CDC37L1: variants seen among roughly 807,000 people sequenced by gnomAD.
CDC37L1 encodes the protein hsp90 co-chaperone Cdc37-like 1.
Under a neutral mutation model 45.9 loss-of-function variants are expected in CDC37L1, and 32 were observed. The observed-to-expected ratio is 0.70, with a 90% CI of 0.53 to 0.94. CDC37L1 has a LOEUF of 0.94. Ranked by LOEUF, CDC37L1 falls within the 40% of genes least tolerant of loss-of-function variation. The pLI, the probability that CDC37L1 is intolerant of heterozygous loss-of-function variation, is 0.00. For missense variants in CDC37L1, 434 were observed against 405.7 expected (o/e 1.07, Z -0.60); for synonymous variants, 150 against 133.0 (o/e 1.13, Z -0.88).
At chr9:4,693,181 C>G (rs543227560) in intron 3 of CDC37L1, among the ~76,000 whole-genome samples, 2 of 152,058 alleles carry the variant, frequency 1.3e-5, no homozygotes, top group African/African-American at 4.8e-5. Context: ...AGTGGTTCTG[C>G]CTGTAATCCC....
At chr9:4,692,433 C>T (rs573827391) in intron 3 of CDC37L1, among the ~76,000 whole-genome samples, 11 of 152,194 alleles carry the variant, frequency 7.2e-5, no homozygotes, top group African/African-American at 2.6e-4. Context: ...CCACGCCTGG[C>T]TAATTTTTGT....
intron 5 of CDC37L1, 64 bp downstream of exon 5, chr9:4,697,943 G>C (rs572932550): frequency 5.7e-5 from 86 of 1,498,262 alleles, no homozygotes; most frequent in Non-Finnish European, 7.4e-5. Flanking sequence ...TCTTTGTTCT[G>C]TTCATATCAA....
rs775962369 is a variant in CDC37L1, at chr9:4,706,295, G to A, written c.*183G>A. The A allele has an allele frequency of 7.2e-6, 3 of 417,034 alleles. No individual in the cohort carries two copies. Among genetic ancestry groups the A allele is most frequent in the African/African-American group, 6.0e-5 (3 of 50,416 alleles). 25.8% of individuals were successfully genotyped at this position (417,034 alleles called of 1,614,324 possible). A position where few individuals can be genotyped will look rare whatever the true frequency, so the allele number is the denominator to read the frequency against. On this transcript the variant is annotated 3_prime_UTR_variant, in exon 7 of 7. Transcript: ENST00000381854. Reference sequence around the variant, plus strand: ...GCTGCTAGGTTTTTTGTTTTGTTTTGTTCTGAAGAGAAGAGTGGTACCATA... The same window carrying A: ...GCTGCTAGGTTTTTTGTTTTGTTTTATTCTGAAGAGAAGAGTGGTACCATA...
In CDC37L1 at chr9:4,706,540, G is replaced by C. The variant is rs1481391086; in HGVS notation, c.*428G>C. ...GATAAAAACATACTTGTATCCCACT[G>C]CTACTTTAGCTGTCAAATTTGGTGT... On this transcript the variant is annotated 3_prime_UTR_variant, in exon 7 of 7. Transcript: ENST00000381854. 6.5e-6 allele frequency: 1 copy of C among 152,782 alleles called. No homozygotes were observed. The highest frequency in any genetic ancestry group is 2.4e-5 in the African/African-American group (1 of 41,430). 9.5% of individuals were successfully genotyped at this position (152,782 alleles called of 1,614,324 possible).
intron 5 of CDC37L1, among the ~76,000 whole-genome samples, chr9:4,699,856 A>G (rs1587623001): frequency 6.6e-6 from 1 of 152,302 alleles, no homozygotes; most frequent in South Asian, 2.1e-4. Flanking sequence ...ATTTGAACAT[A>G]TACAATTAGA....
At position 4,679,714 on chromosome 9, in the gene CDC37L1, T is replaced by A. The variant is rs778449245; in HGVS notation, c.-54T>A. On this transcript the variant is annotated 5_prime_UTR_variant, in exon 1 of 7. Transcript: ENST00000381854. ...CAGGTTCCATTCACGCCAAGTCTGT[T>A]GGCAGTGGCAGTTGTAGGGCCAAGG... 4 of 1,547,660 alleles carry A rather than the reference T, an allele frequency of 2.6e-6. No homozygotes were observed. Among genetic ancestry groups the A allele is most frequent in the Non-Finnish European group, 3.5e-6 (4 of 1,138,550 alleles).
intron 3 of CDC37L1, among the ~76,000 whole-genome samples, chr9:4,692,841 G>A (rs942291464): frequency 6.6e-6 from 1 of 152,156 alleles, no homozygotes; most frequent in African/African-American, 2.4e-5. Context: ...GGACTTGGTG[G>A]TCAATTTGAT....
At chr9:4,683,116 ATTT>A (rs1841214031) in intron 1 of CDC37L1, among the ~76,000 whole-genome samples, 1 of 143,424 alleles carries the variant, frequency 7.0e-6, no homozygotes, top group Admixed American at 7.2e-5. Flanking sequence ...TATAAAATAT[ATTT>A]TATATATATT....
intron 2 of CDC37L1, among the ~76,000 whole-genome samples, chr9:4,687,755 G>A (rs959033410): frequency 8.0e-5 from 12 of 150,844 alleles, no homozygotes; most frequent in African/African-American, 2.2e-4. Flanking sequence ...AAGAATTTAC[G>A]GTAAATATCA....
chr9:4,689,274 C>T (rs10119310), intron 3 of CDC37L1, among the ~76,000 whole-genome samples: 48,064 of 151,328 alleles, frequency 0.32, 8,341 homozygotes, highest in African/African-American at 0.48. Flanking sequence ...AGCATGATAC[C>T]GCTGGCATGA....
chr9:4,697,739 C>T lies in CDC37L1; in HGVS notation c.625-18C>T. On this transcript the variant is annotated intron_variant, in intron 4 of 6. Transcript: ENST00000381854. Reference sequence around the variant, plus strand: ...ATATTTATATATTTGTTTCTTATATCATTTAAATCTTTTTCAGAAAGGGGC... The same window carrying T: ...ATATTTATATATTTGTTTCTTATATTATTTAAATCTTTTTCAGAAAGGGGC... The T allele has an allele frequency of 7.9e-7, 1 of 1,258,684 alleles. No individual in the cohort carries two copies. The allele number at this position is 1,258,684 out of a possible 1,614,324, so 78.0% of individuals were successfully genotyped here.
At chr9:4,697,951 C>G (rs1271117970) in intron 5 of CDC37L1, 72 bp downstream of exon 5, 27 of 1,392,804 alleles carry the variant, frequency 1.9e-5, no homozygotes, top group Non-Finnish European at 2.5e-5. Context: ...CTGTTCATAT[C>G]AATAGAAGGC....
chr9:4,689,858 A>G (rs1300479335), intron 3 of CDC37L1, among the ~76,000 whole-genome samples: 2 of 152,236 alleles, frequency 1.3e-5, no homozygotes, highest in Non-Finnish European at 2.9e-5. Flanking sequence ...AAATAGTACC[A>G]TATACTGATT....
chr9:4,701,819 A>G (rs750622015), intron 5 of CDC37L1, 45 bp from the exon 6 acceptor site: 2 of 1,443,682 alleles, frequency 1.4e-6, no homozygotes, highest in East Asian at 2.3e-5. Context: ...TATGTCTAGA[A>G]ATCTTGAAGA....
At position 4,685,116 on chromosome 9, in the gene CDC37L1, T is replaced by G. The variant is rs1190921151; in HGVS notation, c.372T>G (p.Cys124Trp). 3 of 1,613,902 alleles carry G rather than the reference T, an allele frequency of 1.9e-6. No homozygotes were observed. The highest frequency in any genetic ancestry group is 2.5e-6 in the Non-Finnish European group (3 of 1,179,804). Residue 124 changes from cysteine (C) to tryptophan (W), a missense_variant, in exon 2 of 7, where the codon TGT becomes TGG. Transcript: ENST00000381854. Reference sequence around the variant, plus strand: ...CTCTAGTACAAAGAGAGAAGATGTGTCTGTGGAGCACGGATGCCATTAGCA... The same window carrying G: ...CTCTAGTACAAAGAGAGAAGATGTGGCTGTGGAGCACGGATGCCATTAGCA... ...EEALVQREKM[C>W]LWSTDAISKD...
At chr9:4,689,898 G>A (rs1334283459) in intron 3 of CDC37L1, among the ~76,000 whole-genome samples, 1 of 152,192 alleles carries the variant, frequency 6.6e-6, no homozygotes, top group Non-Finnish European at 1.5e-5. Flanking sequence ...TGCATCTGGT[G>A]AAACAACATT....
At chr9:4,702,962 G>T in intron 6 of CDC37L1, 46 of 629,678 alleles carry the variant, frequency 7.3e-5, no homozygotes, top group Middle Eastern at 6.7e-4. Flanking sequence ...AAGGAGACAT[G>T]ATCAGACCAC....
chr9:4,696,457 A>G (rs1029324435), intron 3 of CDC37L1, among the ~76,000 whole-genome samples: 4 of 151,640 alleles, frequency 2.6e-5, no homozygotes, highest in Non-Finnish European at 5.9e-5. Flanking sequence ...CAGCCTGAGC[A>G]ACATAATAAG....
intron 4 of CDC37L1, 38 bp from the exon 5 acceptor site, chr9:4,697,711 AATATATTT>A: frequency 6.4e-6 from 6 of 932,622 alleles, no homozygotes; most frequent in Non-Finnish European, 8.1e-6. Context: ...ATGCCAATTA[AATATATTT>A]ATATATTTGT....
Sources: gnomAD v4.1 joint callset for allele counts (sites outside exome capture counted in the v4.1 genomes callset) on GRCh38, gnomAD v4.1.1 for gene constraint, MANE v1.5 for transcripts, NCBI Gene and HGNC (gene_info 2026-07-23, HGNC 2026-07-21) for gene names.